Variants in GPR158 observed in about 807,000 individuals in gnomAD.
GPR158 encodes the protein G protein-coupled receptor 158.
A neutral mutation model predicts 78.2 loss-of-function variants in GPR158; 30 were observed. That is an observed-to-expected ratio of 0.38 (90% confidence interval 0.29 to 0.52). GPR158 has a LOEUF of 0.52. Among genes scored for constraint, GPR158 ranks in the 20% least tolerant of loss-of-function variants. The pLI is 0.83. For synonymous variants in GPR158, 581 were observed against 591.1 expected, an observed-to-expected ratio of 0.98 and a Z score of 0.25; for missense variants, 1,463 against 1,523.5, an observed-to-expected ratio of 0.96 and a Z score of 0.66.
intron 4 of GPR158, among the ~76,000 whole-genome samples, chr10:25,445,423 G>C (rs955534839): frequency 6.6e-6 from 1 of 152,188 alleles, no homozygotes. Flanking sequence ...GTAGGGGCTA[G>C]AATATGAACA....
At chr10:25,437,482 TC>T (rs1454355718) in intron 4 of GPR158, among the ~76,000 whole-genome samples, 1 of 152,178 alleles carries the variant, frequency 6.6e-6, no homozygotes, top group Non-Finnish European at 1.5e-5. Context: ...CTCCTAGACC[TC>T]CCAAATTGCT....
intron 2 of GPR158, among the ~76,000 whole-genome samples, chr10:25,369,056 T>TACG (rs1393760081): frequency 6.6e-6 from 1 of 150,572 alleles, no homozygotes; most frequent in African/African-American, 2.4e-5. Flanking sequence ...CTTATCAGCT[T>TACG]GAGATTTTGG....
At chr10:25,241,607 A>G (rs1853630260) in intron 2 of GPR158, among the ~76,000 whole-genome samples, 3 of 151,882 alleles carry the variant, frequency 2.0e-5, no homozygotes, top group Admixed American at 2.0e-4. Flanking sequence ...TTTTTAGTAG[A>G]GATGGGGTTT....
At chr10:25,506,590 AC>A (rs1440691562) in intron 5 of GPR158, among the ~76,000 whole-genome samples, 3 of 152,234 alleles carry the variant, frequency 2.0e-5, no homozygotes, top group Non-Finnish European at 4.4e-5. Flanking sequence ...ACATAAAGAG[AC>A]AACTCTGCTG....
intron 2 of GPR158, among the ~76,000 whole-genome samples, chr10:25,223,127 A>G (rs1438164587): frequency 6.6e-6 from 1 of 152,204 alleles, no homozygotes; most frequent in Non-Finnish European, 1.5e-5. Flanking sequence ...GTTGAAATTT[A>G]TAACTTTTGG....
intron 5 of GPR158, chr10:25,475,747 G>A (rs1835574555): frequency 6.6e-6 from 1 of 151,954 alleles, no homozygotes; most frequent in African/African-American, 2.4e-5. Flanking sequence ...TTCCTGGTGT[G>A]GGCTATACTA....
At chr10:25,271,241 G>T (rs1854113860) in intron 2 of GPR158, among the ~76,000 whole-genome samples, 1 of 152,086 alleles carries the variant, frequency 6.6e-6, no homozygotes, top group Admixed American at 6.6e-5. Context: ...CCTGTTACTT[G>T]CTTTAATGGC....
chr10:25,578,726 G>A (rs1391146215), intron 7 of GPR158, among the ~76,000 whole-genome samples: 1 of 152,086 alleles, frequency 6.6e-6, no homozygotes, highest in African/African-American at 2.4e-5. Context: ...TAAAGGGGTT[G>A]GCCTGGCACG....
intron 5 of GPR158, among the ~76,000 whole-genome samples, chr10:25,501,956 GT>G (rs1183889036): frequency 6.6e-6 from 1 of 152,044 alleles, no homozygotes; most frequent in Non-Finnish European, 1.5e-5. Flanking sequence ...CTTGCAAACT[GT>G]TTGTCTCTCC....
chr10:25,275,191 T>C (rs757858645), intron 2 of GPR158, among the ~76,000 whole-genome samples: 1 of 152,184 alleles, frequency 6.6e-6, no homozygotes, highest in Non-Finnish European at 1.5e-5. Flanking sequence ...AATTTTATAA[T>C]TTGAACTCTG....
chr10:25,331,949 T>C (rs748076156), intron 2 of GPR158, among the ~76,000 whole-genome samples: 1 of 152,108 alleles, frequency 6.6e-6, no homozygotes, highest in Non-Finnish European at 1.5e-5. Context: ...TGAAAAAGTC[T>C]GCAATAAAAA....
intron 5 of GPR158, among the ~76,000 whole-genome samples, chr10:25,525,598 G>T (rs10741092): frequency 0.34 from 51,288 of 151,990 alleles, 8,984 homozygotes; most frequent in East Asian, 0.48. Flanking sequence ...TACTTGAATT[G>T]TCCAGAATTA....
intron 2 of GPR158, among the ~76,000 whole-genome samples, chr10:25,391,464 T>G (rs998482241): frequency 9.3e-5 from 14 of 150,672 alleles, no homozygotes; most frequent in South Asian, 2.1e-4. Flanking sequence ...CAGCATGACC[T>G]GGTTGTGAGA....
chr10:25,287,048 A>G (rs559906441), intron 2 of GPR158, among the ~76,000 whole-genome samples: 1 of 152,006 alleles, frequency 6.6e-6, no homozygotes, highest in Non-Finnish European at 1.5e-5. Context: ...AGTTCTAATT[A>G]AGCATCTGTT....
chr10:25,498,304 T>A (rs1293717150), intron 5 of GPR158, among the ~76,000 whole-genome samples: 1 of 152,188 alleles, frequency 6.6e-6, no homozygotes, highest in African/African-American at 2.4e-5. Context: ...TGTGTAAAAA[T>A]GCAGTCATTC....
At chr10:25,355,004 T>C (rs190178929) in intron 2 of GPR158, among the ~76,000 whole-genome samples, 37 of 152,230 alleles carry the variant, frequency 2.4e-4, no homozygotes, top group African/African-American at 6.3e-4. Context: ...TCTTGACCTA[T>C]GAGCTTGATT....
At chr10:25,540,338 G>T (rs1441110272) in intron 5 of GPR158, among the ~76,000 whole-genome samples, 2 of 152,184 alleles carry the variant, frequency 1.3e-5, no homozygotes, top group Non-Finnish European at 2.9e-5. Flanking sequence ...CTTTTACACT[G>T]TTGGTGGGAC....
chr10:25,306,305 T>C (rs2130455542), intron 2 of GPR158, among the ~76,000 whole-genome samples: 1 of 152,290 alleles, frequency 6.6e-6, no homozygotes, highest in East Asian at 1.9e-4. Flanking sequence ...CAGCCTTAGT[T>C]TTTACTTAGT....
intron 6 of GPR158, among the ~76,000 whole-genome samples, chr10:25,564,930 T>C (rs10741094): frequency 0.57 from 87,127 of 152,024 alleles, 27,000 homozygotes; most frequent in African/African-American, 0.82. Context: ...TGTATTTAAA[T>C]TGCCTATTCA....
Sources: allele counts gnomAD v4.1 joint callset (sites outside exome capture counted in the v4.1 genomes callset), GRCh38; gene constraint gnomAD v4.1.1; transcripts MANE v1.5; gene names NCBI Gene and HGNC (gene_info 2026-07-23, HGNC 2026-07-21).